Variants in SYT2 observed in about 807,000 individuals in gnomAD.
SYT2 encodes synaptotagmin-2.
SYT2 carries 15 observed loss-of-function variants against 39.9 expected under a neutral mutation model. The observed-to-expected ratio is 0.38, with a 90% CI of 0.25 to 0.58. SYT2 has a LOEUF of 0.58. Ranked by LOEUF, SYT2 falls within the 20% of genes least tolerant of loss-of-function variation. SYT2 has a pLI of 0.70. For synonymous variants in SYT2, 181 were observed against 204.5 expected (o/e 0.89, Z 0.98); for missense variants, 389 against 530.3 (o/e 0.73, Z 2.62).
intron 3 of SYT2, among the ~76,000 whole-genome samples, chr1:202,604,068 G>A (rs112802257): frequency 8.4e-4 from 128 of 152,232 alleles, no homozygotes; most frequent in African/African-American, 2.8e-3. Context: ...TTTGATTCCC[G>A]CCCCATGCCC....
In SYT2 at chr1:202,594,270, C is replaced by G. The variant is rs1297114096; in HGVS notation, c.*2487G>C. On this transcript the variant is annotated 3_prime_UTR_variant, in exon 9 of 9. Transcript: ENST00000367268. ...GCCCTGGTCACCAGGCACATAGACACCCAGACCACCAGAGGTTCCTACCAT... is the reference window on the plus strand; with the variant it reads ...GCCCTGGTCACCAGGCACATAGACAGCCAGACCACCAGAGGTTCCTACCAT... 1.3e-5 allele frequency: 2 copies of G among 152,240 alleles called. No individual in the cohort carries two copies. Among genetic ancestry groups the G allele is most frequent in the Admixed American group, 1.3e-4 (2 of 15,286 alleles). 9.4% of individuals were successfully genotyped at this position (152,240 alleles called of 1,614,324 possible).
chr1:202,696,454 C>T (rs917394383), intron 1 of SYT2, among the ~76,000 whole-genome samples: 2 of 152,236 alleles, frequency 1.3e-5, no homozygotes, highest in African/African-American at 4.8e-5. Context: ...GCACTTTTTA[C>T]TTCATTCCAA....
At position 202,594,386 on chromosome 1, in the gene SYT2, G is replaced by C. The variant is rs1690219196; in HGVS notation, c.*2371C>G. 1.3e-5 allele frequency: 2 copies of C among 152,264 alleles called. No individual in the cohort carries two copies. The highest frequency in any genetic ancestry group is 6.5e-5 in the Admixed American group (1 of 15,288). The allele number at this position is 152,264 out of a possible 1,614,324, so 9.4% of individuals were successfully genotyped here. On this transcript the variant is annotated 3_prime_UTR_variant, in exon 9 of 9. Coordinates refer to ENST00000367268, the MANE Select transcript of SYT2 (RefSeq NM_177402.5). Reference sequence around the variant, plus strand: ...ATGGAAAAGAATCCAGGTGGTAGAAGATGAATTGGGAAAGGGCAAAGGAGT... The same window carrying C: ...ATGGAAAAGAATCCAGGTGGTAGAACATGAATTGGGAAAGGGCAAAGGAGT...
At chr1:202,621,508 G>A in intron 1 of SYT2, among the ~76,000 whole-genome samples, 1 of 152,154 alleles carries the variant, frequency 6.6e-6, no homozygotes, top group East Asian at 1.9e-4. Context: ...TGTTGCTCAG[G>A]CTGGTCTTGA....
chr1:202,679,756 A>G (rs957868094), intron 1 of SYT2, among the ~76,000 whole-genome samples: 3 of 152,026 alleles, frequency 2.0e-5, no homozygotes, highest in Non-Finnish European at 4.4e-5. Flanking sequence ...ATATCCTTCA[A>G]TGGAAAAAAC....
rs569009715 is a variant in SYT2 at position 202,593,282 on chromosome 1, C to T, written c.*3475G>A. On this transcript the variant is annotated 3_prime_UTR_variant, in exon 9 of 9. Transcript: ENST00000367268. Reference sequence around the variant, plus strand: ...AGGACATTAAGGGAACATGGAAGCTCTCACTCCCCAAACCCAGGGAGGTTC... The same window carrying T: ...AGGACATTAAGGGAACATGGAAGCTTTCACTCCCCAAACCCAGGGAGGTTC... 6.6e-6 allele frequency: 1 copy of T among 152,296 alleles called. No individual in the cohort carries two copies. Among genetic ancestry groups the T allele is most frequent in the South Asian group, 2.1e-4 (1 of 4,826 alleles). 9.4% of individuals were successfully genotyped at this position (152,296 alleles called of 1,614,324 possible). A position where few individuals can be genotyped will look rare whatever the true frequency, so the allele number is the denominator to read the frequency against.
Position 202,604,571 on chromosome 1 carries a change from G to A in SYT2, c.229C>T (p.Leu77Phe). 1 of 1,614,194 alleles carries A rather than the reference G, an allele frequency of 6.2e-7. No homozygotes were observed. Among genetic ancestry groups the A allele is most frequent in the Non-Finnish European group, 8.5e-7 (1 of 1,180,054 alleles). Residue 77 changes from leucine (L) to phenylalanine (F), a missense_variant, in exon 3 of 9, where the codon CTC becomes TTC. By Grantham distance (22) the Leu-to-Phe change is conservative. Coordinates refer to ENST00000367268, the MANE Select transcript of SYT2 (RefSeq NM_177402.5). Reference protein sequence around the residue: ...AIAVVAGLLLLTCCFCICKKC... With the variant: ...AIAVVAGLLLFTCCFCICKKC... The stretch of plus-strand genomic sequence containing the variant: ...TTGCAGATGCAGAAGCAGCAGGTGA[G>A]AAGCAGGAGCCCAGCAACCACAGCA...
At chr1:202,600,264 G>C in intron 7 of SYT2, 93 bp downstream of exon 7, 2 of 1,034,884 alleles carry the variant, frequency 1.9e-6, no homozygotes, top group Middle Eastern at 2.7e-4. Context: ...GGGCAGCAAA[G>C]TGTTCCTCTT....
At chr1:202,600,735 A>G (rs1202917296) in intron 6 of SYT2, among the ~76,000 whole-genome samples, 1 of 152,186 alleles carries the variant, frequency 6.6e-6, no homozygotes, top group Non-Finnish European at 1.5e-5. Context: ...TGAGGGGGGT[A>G]GAGGACAGCT....
In SYT2 at chr1:202,607,236, A is replaced by C. The variant is rs1314043615; in HGVS notation, c.-17-1447T>G. Among the ~76,000 whole-genome samples the C allele has an allele frequency of 2.6e-5, 4 of 152,214 alleles. No individual in the cohort carries two copies. In the East Asian group the frequency reaches 7.7e-4, roughly 29 times the overall value. On this transcript the variant is annotated intron_variant, in intron 1 of 8. Transcript: ENST00000367268. ...GTTGGCAACAGCACCCCTTGTGCCAAGCACACAGCGGGCACTCTGGGTATT... is the reference window on the plus strand; with the variant it reads ...GTTGGCAACAGCACCCCTTGTGCCACGCACACAGCGGGCACTCTGGGTATT...
At chr1:202,636,084 T>C (rs1251805964) in intron 1 of SYT2, among the ~76,000 whole-genome samples, 1 of 152,176 alleles carries the variant, frequency 6.6e-6, no homozygotes, top group Non-Finnish European at 1.5e-5. Context: ...CTGGGGCTCA[T>C]GGCCAGGGTG....
intron 1 of SYT2, chr1:202,636,468 T>C: frequency 4.5e-6 from 4 of 879,378 alleles, no homozygotes; most frequent in Non-Finnish European, 4.1e-6. Flanking sequence ...CCAGGACATC[T>C]TGGGAGAAGT....
At chr1:202,704,708 C>T (rs1469813250) in intron 1 of SYT2, among the ~76,000 whole-genome samples, 4 of 109,476 alleles carry the variant, frequency 3.7e-5, no homozygotes. Context: ...TCAGAGGAGC[C>T]GTTTAATTGC....
At chr1:202,634,273 T>A (rs1302762681) in intron 1 of SYT2, among the ~76,000 whole-genome samples, 1 of 152,184 alleles carries the variant, frequency 6.6e-6, no homozygotes, top group Middle Eastern at 3.2e-3. Flanking sequence ...ATTCCAGCAC[T>A]TTGGGAGGCC....
chr1:202,709,188 G>A (rs1208223778), intron 1 of SYT2, among the ~76,000 whole-genome samples: 3 of 152,180 alleles, frequency 2.0e-5, no homozygotes, highest in Non-Finnish European at 4.4e-5. Flanking sequence ...CCCCACTGCA[G>A]TGGCCCCTCC....
At position 202,596,694 on chromosome 1, in the gene SYT2, G is replaced by C; in HGVS notation, c.*63C>G. ...AAAACCTCTAAGGTTGCATAACTGA[G>C]GTATTGATAGCTCTGGATCTTGTCA... On this transcript the variant is annotated 3_prime_UTR_variant, in exon 9 of 9. Transcript: ENST00000367268. The C allele has an allele frequency of 6.9e-7, 1 of 1,455,624 alleles. No homozygotes were observed. Among genetic ancestry groups the C allele is most frequent in the South Asian group, 1.2e-5 (1 of 82,258 alleles). 90.2% of individuals were successfully genotyped at this position (1,455,624 alleles called of 1,614,324 possible). A position where few individuals can be genotyped will look rare whatever the true frequency, so the allele number is the denominator to read the frequency against.
intron 1 of SYT2, among the ~76,000 whole-genome samples, chr1:202,691,728 G>GAGAGA (rs1558463394): frequency 2.8e-4 from 4 of 14,236 alleles, no homozygotes; most frequent in African/African-American, 7.0e-4. Flanking sequence ...AGAGGGAGAG[G>GAGAGA]GGGGGAGAGA....
At chr1:202,638,695 C>T (rs1391399938) in intron 1 of SYT2, among the ~76,000 whole-genome samples, 5 of 152,194 alleles carry the variant, frequency 3.3e-5, no homozygotes, top group African/African-American at 1.2e-4. Context: ...AGTGCTCACA[C>T]CCGAGGCCCT....
At chr1:202,684,807 C>T (rs945486626) in intron 1 of SYT2, among the ~76,000 whole-genome samples, 8 of 152,190 alleles carry the variant, frequency 5.3e-5, no homozygotes, top group Non-Finnish European at 8.8e-5. Context: ...CCCCACAGGC[C>T]ATGATGTTCT....
Sources: allele counts gnomAD v4.1 joint callset (sites outside exome capture counted in the v4.1 genomes callset), GRCh38; gene constraint gnomAD v4.1.1; transcripts MANE v1.5; gene names NCBI Gene and HGNC (gene_info 2026-07-23, HGNC 2026-07-21).